Variants in C1orf87 observed in about 807,000 individuals in gnomAD.
C1orf87 encodes the protein chromosome 1 open reading frame 87.
A neutral mutation model predicts 60.5 loss-of-function variants in C1orf87; 58 were observed. That is an observed-to-expected ratio of 0.96 (90% confidence interval 0.78 to 1.19). The LOEUF is 1.19. Among genes scored for constraint, C1orf87 ranks in the 50% most tolerant of loss-of-function variants. C1orf87 has a pLI of 0.00. For missense variants in C1orf87, 673 were observed against 638.6 expected (o/e 1.05, Z -0.58); for synonymous variants, 236 against 227.4 (o/e 1.04, Z -0.34).
At chr1:60,059,430 G>A (rs1236289177) in intron 2 of C1orf87, among the ~76,000 whole-genome samples, 1 of 152,182 alleles carries the variant, frequency 6.6e-6, no homozygotes, top group Non-Finnish European at 1.5e-5. Flanking sequence ...GGATTACTGT[G>A]TTCCTGGATG....
chr1:60,037,948 A>T (rs529401805), intron 6 of C1orf87, 44 bp downstream of exon 6: 1 of 1,347,836 alleles, frequency 7.4e-7, no homozygotes, highest in East Asian at 2.3e-5. Context: ...CACACAGACT[A>T]AGACACCTAG....
intron 8 of C1orf87, among the ~76,000 whole-genome samples, chr1:60,019,581 A>T (rs1645148091): frequency 6.6e-6 from 1 of 152,184 alleles, no homozygotes; most frequent in Admixed American, 6.5e-5. Context: ...GAAGACAGGA[A>T]GATGTCGGAA....
intron 8 of C1orf87, among the ~76,000 whole-genome samples, chr1:60,024,806 T>C (rs1019589787): frequency 6.6e-6 from 1 of 152,216 alleles, no homozygotes; most frequent in Non-Finnish European, 1.5e-5. Context: ...GAATCACTGC[T>C]TCATATATTT....
intron 11 of C1orf87, among the ~76,000 whole-genome samples, chr1:59,996,241 G>A (rs1188961577): frequency 6.6e-6 from 1 of 152,124 alleles, no homozygotes; most frequent in Admixed American, 6.5e-5. Context: ...GTACTAATGT[G>A]TACACCAACT....
At chr1:59,993,322 G>C (rs897048738) in intron 11 of C1orf87, among the ~76,000 whole-genome samples, 11 of 152,162 alleles carry the variant, frequency 7.2e-5, no homozygotes, top group Non-Finnish European at 1.2e-4. Context: ...TAATTAAATT[G>C]TGTGAAAATC....
At chr1:60,059,332 C>A (rs1272885066) in intron 2 of C1orf87, among the ~76,000 whole-genome samples, 1 of 152,222 alleles carries the variant, frequency 6.6e-6, no homozygotes, top group African/African-American at 2.4e-5. Context: ...ACACAGCTAG[C>A]TTCCGCATAT....
intron 2 of C1orf87, among the ~76,000 whole-genome samples, chr1:60,058,716 G>A (rs1000508957): frequency 4.6e-5 from 7 of 152,158 alleles, no homozygotes; most frequent in African/African-American, 1.7e-4. Flanking sequence ...TTTCAGTAGT[G>A]GAGCCAGGAT....
chr1:60,045,315 A>G (rs375759751), intron 3 of C1orf87, among the ~76,000 whole-genome samples: 6 of 152,176 alleles, frequency 3.9e-5, no homozygotes. Context: ...TTTTTAAGAA[A>G]TGTAGACTTA....
chr1:60,045,502 C>T (rs555506785), intron 3 of C1orf87, among the ~76,000 whole-genome samples: 1 of 152,268 alleles, frequency 6.6e-6, no homozygotes, highest in African/African-American at 2.4e-5. Flanking sequence ...CAAAAACAGG[C>T]ACATGTGGAG....
chr1:59,990,866 TAA>T, intron 11 of C1orf87, 33 bp from the exon 12 acceptor site: 1 of 1,606,050 alleles, frequency 6.2e-7, no homozygotes, highest in South Asian at 1.1e-5. Flanking sequence ...GAAGGTTTTT[TAA>T]AGAGGATGGA....
intron 3 of C1orf87, among the ~76,000 whole-genome samples, chr1:60,044,054 G>C (rs1423734704): frequency 6.6e-6 from 1 of 152,148 alleles, no homozygotes; most frequent in Non-Finnish European, 1.5e-5. Flanking sequence ...GTTTGAGACG[G>C]AGTCTCGCTC....
chr1:60,020,489 T>A (rs1010301148), intron 8 of C1orf87, among the ~76,000 whole-genome samples: 1 of 152,212 alleles, frequency 6.6e-6, no homozygotes, highest in South Asian at 2.1e-4. Flanking sequence ...AACCCTTGCA[T>A]CAGTGTGCTC....
At chr1:60,002,042 C>A (rs559561057) in intron 9 of C1orf87, among the ~76,000 whole-genome samples, 1 of 152,206 alleles carries the variant, frequency 6.6e-6, no homozygotes, top group Admixed American at 6.5e-5. Context: ...TGCAAGTCTG[C>A]GGATGACTGT....
chr1:60,068,868 A>G (rs1574332936), intron 2 of C1orf87, among the ~76,000 whole-genome samples: 1 of 152,276 alleles, frequency 6.6e-6, no homozygotes, highest in East Asian at 1.9e-4. Context: ...GTCACGTGGC[A>G]TGTTACTCAT....
chr1:59,990,641 G>A lies in C1orf87; in HGVS notation c.*32C>T, dbSNP rs761645715. 1.2e-6 allele frequency: 2 copies of A among 1,606,542 alleles called. No individual in the cohort carries two copies. The highest frequency in any genetic ancestry group is 1.7e-6 in the Non-Finnish European group (2 of 1,174,712). On this transcript the variant is annotated 3_prime_UTR_variant, in exon 12 of 12. Coordinates refer to ENST00000371201, the MANE Select transcript of C1orf87 (RefSeq NM_152377.3). ...TGTCTGGGTAAAAAGGGAGATAAGG[G>A]AAACATCTGTTCTCACAATATGGGC...
chr1:59,993,601 C>G (rs1175416520), intron 11 of C1orf87, among the ~76,000 whole-genome samples: 1 of 151,990 alleles, frequency 6.6e-6, no homozygotes, highest in Non-Finnish European at 1.5e-5. Flanking sequence ...TAGAGTCAAA[C>G]AAAAAGTCCA....
chr1:60,041,206 A>C (rs983353974), intron 3 of C1orf87, 75 bp from the exon 4 acceptor site: 3 of 1,323,820 alleles, frequency 2.3e-6, no homozygotes, highest in Non-Finnish European at 3.0e-6. Context: ...AGAATGGAGA[A>C]AATGAGTAAA....
At chr1:60,055,168 T>C in intron 3 of C1orf87, 36 bp downstream of exon 3, 1 of 1,505,324 alleles carries the variant, frequency 6.6e-7, no homozygotes, top group Non-Finnish European at 9.2e-7. Context: ...TCCTAATAAA[T>C]TATCAAGATA....
intron 7 of C1orf87, among the ~76,000 whole-genome samples, chr1:60,027,754 A>G (rs1206477982): frequency 6.6e-6 from 1 of 152,156 alleles, no homozygotes; most frequent in Non-Finnish European, 1.5e-5. Context: ...ACATGAAAAA[A>G]CGAAGAGTTT....
Sources: gnomAD v4.1 joint callset for allele counts (sites outside exome capture counted in the v4.1 genomes callset) on GRCh38, gnomAD v4.1.1 for gene constraint, MANE v1.5 for transcripts, NCBI Gene and HGNC (gene_info 2026-07-23, HGNC 2026-07-21) for gene names.